CDC42SE2: variants seen among roughly 807,000 people sequenced by gnomAD.
CDC42SE2 encodes the protein CDC42 small effector protein 2.
In CDC42SE2, 3 loss-of-function variants were observed where a neutral mutation model predicts 11.5. The ratio of observed to expected loss-of-function variants is 0.26; its 90% CI spans 0.12 to 0.67. The LOEUF is 0.67. Among genes scored for constraint, CDC42SE2 ranks in the 30% least tolerant of loss-of-function variants. CDC42SE2 has a pLI of 0.80. For synonymous variants in CDC42SE2, 33 were observed against 34.8 expected (o/e 0.95, Z 0.18); for missense variants, 82 against 106.8 (o/e 0.77, Z 1.02).
intron 1 of CDC42SE2, among the ~76,000 whole-genome samples, chr5:131,306,448 G>A (rs1312262292): frequency 1.3e-5 from 2 of 151,970 alleles, no homozygotes; most frequent in East Asian, 3.9e-4. Context: ...CTGTTCTGTT[G>A]GTCAGTATTT....
Position 131,391,007 on chromosome 5 carries a change from G to A in CDC42SE2, c.171G>A (p.Gln57=), listed in dbSNP as rs372260786. The A allele has an allele frequency of 3.1e-6, 5 of 1,611,470 alleles. No homozygotes were observed. The African/African-American group carries it at 6.7e-5, about 22-fold the overall frequency. ...TCTTGTTTTAGGTTAGCTCCATTCA[G>A]AACCAAATGCAGTCCAAGGGAGGTT... ...FSGMNSVSSI[Q]NQMQSKGGYG... The change falls in exon 5 of 5, where the codon CAG becomes CAA. Residue 57 remains glutamine (Q), a synonymous_variant. Coordinates refer to ENST00000505065, the MANE Select transcript of CDC42SE2 (RefSeq NM_001375635.1).
intron 1 of CDC42SE2, among the ~76,000 whole-genome samples, chr5:131,284,718 G>A (rs1757306457): frequency 1.3e-5 from 2 of 152,098 alleles, no homozygotes; most frequent in Admixed American, 1.3e-4. Context: ...AAGCAATCCT[G>A]TGCCTTAGCC....
chr5:131,353,017 A>T (rs1749394153), intron 2 of CDC42SE2, among the ~76,000 whole-genome samples: 1 of 152,008 alleles, frequency 6.6e-6, no homozygotes, highest in Non-Finnish European at 1.5e-5. Flanking sequence ...CCCAGGCTTT[A>T]CTGCAGTGGC....
At chr5:131,296,271 T>G (rs932566228) in intron 1 of CDC42SE2, among the ~76,000 whole-genome samples, 1 of 152,136 alleles carries the variant, frequency 6.6e-6, no homozygotes, top group Non-Finnish European at 1.5e-5. Flanking sequence ...TGAACATGAT[T>G]ATAACACTTA....
At chr5:131,308,760 G>A (rs530422191) in intron 1 of CDC42SE2, among the ~76,000 whole-genome samples, 6 of 150,814 alleles carry the variant, frequency 4.0e-5, no homozygotes, top group African/African-American at 1.5e-4. Context: ...TGTTGTTGGT[G>A]TATAAGAATG....
chr5:131,284,541 A>G (rs189396714), intron 1 of CDC42SE2, among the ~76,000 whole-genome samples: 3 of 152,230 alleles, frequency 2.0e-5, no homozygotes, highest in South Asian at 4.1e-4. Context: ...GTGTGATCAT[A>G]CTTGGTGTAA....
At chr5:131,309,813 T>G (rs1419173877) in intron 1 of CDC42SE2, among the ~76,000 whole-genome samples, 1 of 152,206 alleles carries the variant, frequency 6.6e-6, no homozygotes, top group Non-Finnish European at 1.5e-5. Context: ...CATTTTTTAT[T>G]GGGTCTATTT....
chr5:131,373,418 C>G (rs1226084394), intron 3 of CDC42SE2, among the ~76,000 whole-genome samples: 1 of 152,182 alleles, frequency 6.6e-6, no homozygotes, highest in Non-Finnish European at 1.5e-5. Flanking sequence ...CTGCCTTCAT[C>G]TTAGAATGCC....
At chr5:131,275,475 G>A (rs1392990550) in intron 1 of CDC42SE2, among the ~76,000 whole-genome samples, 1 of 151,686 alleles carries the variant, frequency 6.6e-6, no homozygotes, top group African/African-American at 2.4e-5. Context: ...TTTGTTTTTA[G>A]TAGGGACCAG....
chr5:131,366,406 A>G (rs960639651), intron 3 of CDC42SE2, among the ~76,000 whole-genome samples: 2 of 152,206 alleles, frequency 1.3e-5, no homozygotes, highest in Non-Finnish European at 1.5e-5. Flanking sequence ...CAAGATGGGG[A>G]AAAGGGATAA....
At chr5:131,301,009 G>A (rs146044914) in intron 1 of CDC42SE2, among the ~76,000 whole-genome samples, 205 of 152,250 alleles carry the variant, frequency 1.3e-3, no homozygotes, top group African/African-American at 4.8e-3. Context: ...TTTATAGTTA[G>A]TGAAACCAAA....
At chr5:131,268,738 C>T (rs1157367864) in intron 1 of CDC42SE2, among the ~76,000 whole-genome samples, 1 of 149,290 alleles carries the variant, frequency 6.7e-6, no homozygotes, top group Non-Finnish European at 1.5e-5. Context: ...AAGCATGAGC[C>T]ACCACACCCG....
intron 3 of CDC42SE2, 34 bp from the exon 4 acceptor site, chr5:131,385,509 C>G (rs775312100): frequency 7.5e-6 from 11 of 1,461,318 alleles, no homozygotes; most frequent in Non-Finnish European, 7.6e-6. Flanking sequence ...CTCATAAGAT[C>G]ACTTTCTCAA....
chr5:131,301,232 A>G (rs1019701440), intron 1 of CDC42SE2, among the ~76,000 whole-genome samples: 11 of 152,148 alleles, frequency 7.2e-5, no homozygotes, highest in African/African-American at 2.7e-4. Context: ...AGGACACAAA[A>G]TTACAACTAG....
chr5:131,381,159 T>G (rs1032645279), intron 3 of CDC42SE2, among the ~76,000 whole-genome samples: 3 of 152,162 alleles, frequency 2.0e-5, no homozygotes, highest in African/African-American at 7.2e-5. Flanking sequence ...TAACTTGGCT[T>G]TGTTAATGCT....
chr5:131,309,792 A>G (rs1757861862), intron 1 of CDC42SE2, among the ~76,000 whole-genome samples: 1 of 151,822 alleles, frequency 6.6e-6, no homozygotes, highest in South Asian at 2.1e-4. Flanking sequence ...CGGTGGTGAT[A>G]TCCCCATTAT....
intron 2 of CDC42SE2, among the ~76,000 whole-genome samples, chr5:131,340,984 G>A (rs1008973885): frequency 1.3e-5 from 2 of 152,072 alleles, no homozygotes; most frequent in Non-Finnish European, 2.9e-5. Flanking sequence ...GCCTGAGTAT[G>A]TACTTTCTGA....
chr5:131,318,575 G>A (rs1210558774), intron 2 of CDC42SE2, among the ~76,000 whole-genome samples: 1 of 152,152 alleles, frequency 6.6e-6, no homozygotes, highest in African/African-American at 2.4e-5. Flanking sequence ...AGGAAATTTA[G>A]TTGATTAAGA....
intron 1 of CDC42SE2, among the ~76,000 whole-genome samples, chr5:131,294,556 A>G (rs1757528446): frequency 6.6e-6 from 1 of 152,230 alleles, no homozygotes; most frequent in Non-Finnish European, 1.5e-5. Context: ...TGAGTGAAAT[A>G]TATAGAATGC....
Sources: allele counts gnomAD v4.1 joint callset (sites outside exome capture counted in the v4.1 genomes callset), GRCh38; gene constraint gnomAD v4.1.1; transcripts MANE v1.5; gene names NCBI Gene and HGNC (gene_info 2026-07-23, HGNC 2026-07-21).